Variants in TENM3 observed in about 807,000 individuals in gnomAD.
TENM3 encodes teneurin-3.
A neutral mutation model predicts 255.1 loss-of-function variants in TENM3; 63 were observed. The ratio of observed to expected loss-of-function variants is 0.25; its 90% CI spans 0.20 to 0.30. The LOEUF is 0.30. Ranked by LOEUF, TENM3 falls within the 10% of genes least tolerant of loss-of-function variation. The pLI is 1.00. For missense variants in TENM3, 2,929 were observed against 3,461.1 expected, an observed-to-expected ratio of 0.85 and a Z score of 3.86; for synonymous variants, 1,306 against 1,322.3, an observed-to-expected ratio of 0.99 and a Z score of 0.27.
At position 182,214,015 on chromosome 4, in the gene TENM3, G is replaced by A. The variant is rs1365608811; in HGVS notation, c.-76+69261G>A. Among the ~76,000 whole-genome samples, 9 of 152,244 alleles carry A rather than the reference G, an allele frequency of 5.9e-5. No individual in the cohort carries two copies. The East Asian group carries it at 1.5e-3, about 26-fold the overall frequency. The stretch of plus-strand genomic sequence containing the variant: ...ACGGGGTTTCACTTGTGTTAGCCAG[G>A]ATGGTCTCGATCTCTTGACCTTGTG... On this transcript the variant is annotated intron_variant, in intron 1 of 2. Transcript: ENST00000512480.
At chr4:182,619,861 G>C (rs889948707) in intron 4 of TENM3, among the ~76,000 whole-genome samples, 1 of 152,116 alleles carries the variant, frequency 6.6e-6, no homozygotes, top group African/African-American at 2.4e-5. Context: ...CTCCGTGCAG[G>C]GCATCATTGG....
intron 3 of TENM3, among the ~76,000 whole-genome samples, chr4:182,437,480 C>A (rs1772132463): frequency 1.2e-5 from 1 of 83,434 alleles, no homozygotes; most frequent in Non-Finnish European, 2.4e-5. Flanking sequence ...AAAACCTTGT[C>A]TCTACAAAAA....
the TENM3 span, among the ~76,000 whole-genome samples, chr4:181,509,245 G>A: frequency 7.2e-5 from 11 of 152,090 alleles, no homozygotes; most frequent in African/African-American, 2.4e-4. Context: ...CAATAAACTT[G>A]TTTGTTGAAG....
chr4:181,595,922 G>A, the TENM3 span, among the ~76,000 whole-genome samples: 2 of 152,242 alleles, frequency 1.3e-5, no homozygotes, highest in East Asian at 1.9e-4. Context: ...CCACTCATGC[G>A]AGAGTGCTCC....
At chr4:181,900,272 T>G in the TENM3 span, among the ~76,000 whole-genome samples, 1 of 152,196 alleles carries the variant, frequency 6.6e-6, no homozygotes, top group Non-Finnish European at 1.5e-5. Context: ...GGAAAAACTT[T>G]CCATTAAGAG....
At chr4:182,598,782 A>C (rs577176962) in intron 3 of TENM3, among the ~76,000 whole-genome samples, 1 of 152,302 alleles carries the variant, frequency 6.6e-6, no homozygotes, top group African/African-American at 2.4e-5. Flanking sequence ...TTACAATTGC[A>C]CTAAGACCTG....
the TENM3 span, among the ~76,000 whole-genome samples, chr4:182,011,488 C>T: frequency 6.6e-6 from 1 of 152,206 alleles, no homozygotes; most frequent in Non-Finnish European, 1.5e-5. Context: ...TCCAGTCCAT[C>T]ATCTGAGCTG....
chr4:182,584,917 C>T (rs1326909978), intron 3 of TENM3, among the ~76,000 whole-genome samples: 1 of 152,132 alleles, frequency 6.6e-6, no homozygotes, highest in African/African-American at 2.4e-5. Flanking sequence ...GCAGGGATTA[C>T]AGGCGTGAGC....
chr4:182,701,304 T>C (rs1757852883), intron 12 of TENM3, among the ~76,000 whole-genome samples: 1 of 131,190 alleles, frequency 7.6e-6, no homozygotes. Context: ...CACTGCAAGC[T>C]CCGCCTCCTG....
intron 3 of TENM3, among the ~76,000 whole-genome samples, chr4:182,578,134 G>A (rs756485846): frequency 9.2e-5 from 14 of 151,836 alleles, no homozygotes; most frequent in Admixed American, 2.0e-4. Flanking sequence ...CCACCACCAC[G>A]CCCAGCTAAT....
the TENM3 span, among the ~76,000 whole-genome samples, chr4:181,661,786 G>GTGT: frequency 6.6e-5 from 10 of 151,756 alleles, no homozygotes; most frequent in South Asian, 1.7e-3. Context: ...CTTTTAATAA[G>GTGT]TCAATAAAAC....
chr4:181,602,263 G>T, the TENM3 span, among the ~76,000 whole-genome samples: 1 of 152,110 alleles, frequency 6.6e-6, no homozygotes, highest in African/African-American at 2.4e-5. Flanking sequence ...ACATTTAAAA[G>T]AAATTCCATT....
At chr4:181,580,058 C>T in the TENM3 span, among the ~76,000 whole-genome samples, 3 of 151,270 alleles carry the variant, frequency 2.0e-5, no homozygotes, top group Admixed American at 1.3e-4. Context: ...AGTGCAGTGG[C>T]GCGATCTCAA....
the TENM3 span, among the ~76,000 whole-genome samples, chr4:181,587,506 T>A: frequency 6.6e-6 from 1 of 152,192 alleles, no homozygotes; most frequent in Non-Finnish European, 1.5e-5. Flanking sequence ...TAGCGCCTGA[T>A]ATTTCAGCCT....
intron 6 of TENM3, among the ~76,000 whole-genome samples, chr4:182,665,896 A>G (rs1256625628): frequency 6.6e-6 from 1 of 151,136 alleles, no homozygotes; most frequent in African/African-American, 2.4e-5. Flanking sequence ...ACTCTGTCTC[A>G]AAAAAAAATA....
chr4:181,561,672 T>G, the TENM3 span, among the ~76,000 whole-genome samples: 1 of 152,354 alleles, frequency 6.6e-6, no homozygotes, highest in East Asian at 1.9e-4. Flanking sequence ...TGTGATTTAC[T>G]TAGGCATTTT....
Position 182,752,040 on chromosome 4 carries a change from C to T in TENM3, c.3862+8C>T. 6.9e-7 allele frequency: 1 copy of T among 1,444,584 alleles called. No individual in the cohort carries two copies. Among genetic ancestry groups the T allele is most frequent in the Non-Finnish European group, 9.2e-7 (1 of 1,084,622 alleles). 89.5% of individuals were successfully genotyped at this position (1,444,584 alleles called of 1,614,324 possible). A position where few individuals can be genotyped will look rare whatever the true frequency, so the allele number is the denominator to read the frequency against. ...CACTCATGAGTCCCAAAGGTACCGG[C>T]AGTTGGCGATTTGAGGATTTCTTTT... On this transcript the variant is annotated splice_region_variant and intron_variant, in intron 20 of 27. Coordinates refer to ENST00000511685, the MANE Select transcript of TENM3 (RefSeq NM_001080477.4).
At chr4:181,684,616 G>A in the TENM3 span, among the ~76,000 whole-genome samples, 4 of 152,156 alleles carry the variant, frequency 2.6e-5, no homozygotes, top group African/African-American at 9.6e-5. Context: ...TGATTCCGAT[G>A]GGGCAACCCT....
chr4:182,101,282 G>T, the TENM3 span, among the ~76,000 whole-genome samples: 20 of 133,006 alleles, frequency 1.5e-4, no homozygotes, highest in African/African-American at 5.7e-4. Flanking sequence ...AAGGAAAGAA[G>T]GGAGGGAGGA....
Sources: allele counts gnomAD v4.1 joint callset (sites outside exome capture counted in the v4.1 genomes callset), GRCh38; gene constraint gnomAD v4.1.1; transcripts MANE v1.5; gene names NCBI Gene and HGNC (gene_info 2026-07-23, HGNC 2026-07-21).